The following NDUFB3 variants were observed in gnomAD, a reference collection of about 807,000 sequenced individuals.
NDUFB3 encodes the protein NADH dehydrogenase [ubiquinone] 1 beta subcomplex subunit 3.
In NDUFB3, 7 loss-of-function variants were observed where a neutral mutation model predicts 9.0. The ratio of observed to expected loss-of-function variants is 0.78; its 90% CI spans 0.44 to 1.46. The LOEUF (loss-of-function observed/expected upper bound fraction) is 1.46, where lower values mean the gene tolerates loss of function less well. Among genes scored for constraint, NDUFB3 ranks in the 40% most tolerant of loss-of-function variants. The probability of loss-of-function intolerance (pLI) is 0.01; values close to 1 mark genes in which losing one functional copy is unlikely to be tolerated. For synonymous variants in NDUFB3, 29 were observed against 38.5 expected, an observed-to-expected ratio of 0.75 and a Z score of 0.91; for missense variants, 93 against 115.4, an observed-to-expected ratio of 0.81 and a Z score of 0.89.
intron 2 of NDUFB3, among the ~76,000 whole-genome samples, chr2:201,081,408 G>A (rs559216316): frequency 3.6e-4 from 55 of 151,876 alleles, no homozygotes; most frequent in African/African-American, 1.3e-3. Context: ...ACTTGAACCC[G>A]CGAGGCTGAG....
At chr2:201,078,410 A>G (rs917644089) in intron 1 of NDUFB3, among the ~76,000 whole-genome samples, 2 of 152,216 alleles carry the variant, frequency 1.3e-5, no homozygotes, top group African/African-American at 4.8e-5. Context: ...AAGTTACTTA[A>G]TTGCTTGGAG....
intron 1 of NDUFB3, among the ~76,000 whole-genome samples, chr2:201,075,039 A>T (rs984674676): frequency 2.6e-5 from 4 of 152,156 alleles, no homozygotes; most frequent in Admixed American, 6.5e-5. Context: ...ATTTGGAAAT[A>T]GAAATAAGTT....
chr2:201,084,642 G>A (rs558716193), intron 2 of NDUFB3, among the ~76,000 whole-genome samples: 7 of 152,032 alleles, frequency 4.6e-5, no homozygotes, highest in South Asian at 2.1e-4. Flanking sequence ...ATCCGCCCCC[G>A]CCAAAAAAAG....
chr2:201,085,729 T>G lies in NDUFB3; in HGVS notation c.*114T>G. Reference sequence around the variant, plus strand: ...CAGAATATTAGTAAGATTTAATCAATTAAAATATATATATATGCCAATCTG... The same window carrying G: ...CAGAATATTAGTAAGATTTAATCAAGTAAAATATATATATATGCCAATCTG... On this transcript the variant is annotated 3_prime_UTR_variant, in exon 3 of 3. Coordinates refer to ENST00000237889, the MANE Select transcript of NDUFB3 (RefSeq NM_002491.3). 1 of 753,982 alleles carries G rather than the reference T, an allele frequency of 1.3e-6. No homozygotes were observed. The highest frequency in any genetic ancestry group is 2.0e-6 in the Non-Finnish European group (1 of 509,648). The allele number at this position is 753,982 out of a possible 1,614,324, so 46.7% of individuals were successfully genotyped here.
At chr2:201,072,295 C>G (rs941689921) in intron 1 of NDUFB3, 10 of 152,200 alleles carry the variant, frequency 6.6e-5, no homozygotes, top group Non-Finnish European at 1.5e-4. Context: ...GTTCCCGCTT[C>G]TGCCACACGC....
At chr2:201,077,559 C>A (rs905365116) in intron 1 of NDUFB3, among the ~76,000 whole-genome samples, 1 of 152,106 alleles carries the variant, frequency 6.6e-6, no homozygotes, top group Non-Finnish European at 1.5e-5. Context: ...TTTGTAAGGT[C>A]CATGAGCTAA....
At chr2:201,082,015 AC>A (rs2047230512) in intron 2 of NDUFB3, among the ~76,000 whole-genome samples, 1 of 151,534 alleles carries the variant, frequency 6.6e-6, no homozygotes, top group African/African-American at 2.4e-5. Flanking sequence ...ATGGGGTTTC[AC>A]TGTGTTAGCC....
intron 1 of NDUFB3, among the ~76,000 whole-genome samples, chr2:201,077,652 C>T (rs1559148407): frequency 6.6e-6 from 1 of 152,172 alleles, no homozygotes; most frequent in Non-Finnish European, 1.5e-5. Context: ...TAGAATGTTA[C>T]CCCCAAAAGG....
At chr2:201,072,923 G>A (rs1030586347) in intron 1 of NDUFB3, among the ~76,000 whole-genome samples, 1 of 152,114 alleles carries the variant, frequency 6.6e-6, no homozygotes, top group African/African-American at 2.4e-5. Flanking sequence ...AATTGGTGGG[G>A]CCGGGGTCGG....
chr2:201,080,344 G>A lies in NDUFB3; in HGVS notation c.140+1322G>A, dbSNP rs181241494. 1.1e-3 allele frequency among the ~76,000 whole-genome samples: 175 copies of A among 152,288 alleles called. 2 individuals carry two copies. The highest frequency in any genetic ancestry group is 2.8e-4 in the Non-Finnish European group (19 of 68,018). Reference sequence around the variant, plus strand: ...AGCACATTGGGAAGCCAAGGCAGGCGGATCGCTTGAGCCCAGGATTTTGAA... The same window carrying A: ...AGCACATTGGGAAGCCAAGGCAGGCAGATCGCTTGAGCCCAGGATTTTGAA... On this transcript the variant is annotated intron_variant, in intron 2 of 2. Coordinates refer to ENST00000237889, the MANE Select transcript of NDUFB3 (RefSeq NM_002491.3).
At chr2:201,074,990 T>C (rs903623438) in intron 1 of NDUFB3, among the ~76,000 whole-genome samples, 2 of 152,118 alleles carry the variant, frequency 1.3e-5, no homozygotes, top group African/African-American at 4.8e-5. Context: ...TTCAAGCTCT[T>C]ACTTTACAGG....
chr2:201,075,726 A>C (rs931248472), intron 1 of NDUFB3, among the ~76,000 whole-genome samples: 1 of 152,178 alleles, frequency 6.6e-6, no homozygotes, highest in African/African-American at 2.4e-5. Context: ...TCAAAGATTT[A>C]TCTTTCAAAT....
intron 2 of NDUFB3, among the ~76,000 whole-genome samples, chr2:201,082,724 T>G (rs918664665): frequency 7.1e-6 from 1 of 140,658 alleles, no homozygotes; most frequent in Non-Finnish European, 1.5e-5. Flanking sequence ...TTTTTTTTTT[T>G]GAGACGGAGT....
In NDUFB3 at chr2:201,085,684, C is replaced by A; in HGVS notation, c.*69C>A. ...AATAAGATTTCTTCTCTGTAGCCTACTTGTCTGGTTTATCCCTTACAGAAT... is the reference window on the plus strand; with the variant it reads ...AATAAGATTTCTTCTCTGTAGCCTAATTGTCTGGTTTATCCCTTACAGAAT... On this transcript the variant is annotated 3_prime_UTR_variant, in exon 3 of 3. Transcript: ENST00000237889. 7.3e-7 allele frequency: 1 copy of A among 1,376,376 alleles called. No homozygotes were observed. The highest frequency in any genetic ancestry group is 1.4e-5 in the South Asian group (1 of 71,036). 85.3% of individuals were successfully genotyped at this position (1,376,376 alleles called of 1,614,324 possible). A position where few individuals can be genotyped will look rare whatever the true frequency, so the allele number is the denominator to read the frequency against.
chr2:201,079,423 A>G (rs2047200612), intron 2 of NDUFB3, among the ~76,000 whole-genome samples: 1 of 151,724 alleles, frequency 6.6e-6, no homozygotes. Flanking sequence ...GATTACAGGC[A>G]TGAGCCACCA....
chr2:201,080,361 G>A (rs2047209273), intron 2 of NDUFB3, among the ~76,000 whole-genome samples: 1 of 152,098 alleles, frequency 6.6e-6, no homozygotes, highest in Admixed American at 6.6e-5. Context: ...TTGAGCCCAG[G>A]ATTTTGAAAC....
chr2:201,075,178 T>TGAAA (rs1553533351), intron 1 of NDUFB3, among the ~76,000 whole-genome samples: 1 of 135,006 alleles, frequency 7.4e-6, no homozygotes, highest in African/African-American at 2.9e-5. Flanking sequence ...AGATCCTGTC[T>TGAAA]GAAAAAAAAA....
intron 2 of NDUFB3, among the ~76,000 whole-genome samples, chr2:201,080,633 C>T (rs2047211567): frequency 6.6e-6 from 1 of 151,140 alleles, no homozygotes; most frequent in Admixed American, 6.6e-5. Flanking sequence ...CTGTTACCCT[C>T]ATTAATATGT....
intron 1 of NDUFB3, among the ~76,000 whole-genome samples, chr2:201,074,104 T>C (rs2125530363): frequency 6.6e-6 from 1 of 152,122 alleles, no homozygotes; most frequent in Middle Eastern, 3.4e-3. Context: ...AGGCATGTGC[T>C]ACCATGCCCA....
Sources: allele counts gnomAD v4.1 joint callset (sites outside exome capture counted in the v4.1 genomes callset), GRCh38; gene constraint gnomAD v4.1.1; transcripts MANE v1.5; gene names NCBI Gene and HGNC (gene_info 2026-07-23, HGNC 2026-07-21).